Variants in GYPE observed in about 807,000 individuals in gnomAD.
GYPE encodes glycophorin E (MNS blood group), also known as glycophorin-E.
GYPE carries 8 observed loss-of-function variants against 11.6 expected under a neutral mutation model. That is an observed-to-expected ratio of 0.69 (90% CI 0.41 to 1.25). The LOEUF (loss-of-function observed/expected upper bound fraction) is 1.25. Ranked by LOEUF, GYPE falls within the 50% of genes most tolerant of loss-of-function variation. The probability of loss-of-function intolerance (pLI) is 0.01; values close to 1 mark genes in which losing one functional copy is unlikely to be tolerated. For synonymous variants in GYPE, 28 were observed against 29.6 expected, an observed-to-expected ratio of 0.94 and a Z score of 0.18; for missense variants, 90 against 92.8, an observed-to-expected ratio of 0.97 and a Z score of 0.12.
chr4:143,878,747 G>T lies in GYPE; in HGVS notation c.136+1664C>A, dbSNP rs1395425759. 1.8e-5 allele frequency: 8 copies of T among 455,794 alleles called. No homozygotes were observed. In the Middle Eastern group the frequency reaches 1.7e-3, roughly 95 times the overall value. The allele number at this position is 455,794 out of a possible 1,614,324, so 28.2% of individuals were successfully genotyped here. On this transcript the variant is annotated intron_variant, in intron 2 of 3. Transcript: ENST00000358615. Reference sequence around the variant, plus strand: ...CAAAGAAAAAAATCATTTTGGAATCGAACTGTTCTGTGGGTTTCCTTTTCT... The same window carrying T: ...CAAAGAAAAAAATCATTTTGGAATCTAACTGTTCTGTGGGTTTCCTTTTCT...
intron 3 of GYPE, among the ~76,000 whole-genome samples, chr4:143,876,481 G>T (rs1423882313): frequency 6.6e-6 from 1 of 152,126 alleles, no homozygotes. Context: ...ATCAAAATAT[G>T]TGAAAGCAAG....
rs1393802330 is a variant in GYPE, at chr4:143,880,294, T to C, written c.136+117A>G. The C allele has an allele frequency of 3.8e-5, 58 of 1,524,128 alleles. 1 individual carries two copies. The Middle Eastern group carries it at 1.7e-3, about 45-fold the overall frequency. 94.4% of individuals were successfully genotyped at this position (1,524,128 alleles called of 1,614,324 possible). ...TGTCTACTTAGTAGGCTGTGTCTAC[T>C]TAGCTCGCATTTCTCAGTGTTTGTC... On this transcript the variant is annotated intron_variant, in intron 2 of 3. Transcript: ENST00000358615.
At chr4:143,890,218 C>G (rs1478071040) in intron 1 of GYPE, among the ~76,000 whole-genome samples, 1 of 152,156 alleles carries the variant, frequency 6.6e-6, no homozygotes, top group Admixed American at 6.5e-5. Context: ...ACAGATGGTT[C>G]TGGTTATTAA....
At chr4:143,903,428 A>G (rs1744938569) in intron 1 of GYPE, among the ~76,000 whole-genome samples, 1 of 140,640 alleles carries the variant, frequency 7.1e-6, no homozygotes, top group Non-Finnish European at 1.5e-5. Flanking sequence ...ATGGTTCTCC[A>G]TTTGGAAGAA....
At chr4:143,885,401 C>A (rs527531749) in intron 1 of GYPE, among the ~76,000 whole-genome samples, 1 of 152,226 alleles carries the variant, frequency 6.6e-6, no homozygotes, top group East Asian at 1.9e-4. Flanking sequence ...AACACTCTAG[C>A]AAATAGGTAG....
At chr4:143,877,012 G>A (rs1743841969) in intron 2 of GYPE, among the ~76,000 whole-genome samples, 157 bp from the exon 3 acceptor site, 2 of 152,132 alleles carry the variant, frequency 1.3e-5, no homozygotes, top group Non-Finnish European at 2.9e-5. Context: ...TTTTAAAACT[G>A]TGTGCTTTAC....
intron 3 of GYPE, among the ~76,000 whole-genome samples, 162 bp from the exon 4 acceptor site, chr4:143,872,414 AT>A (rs1286722599): frequency 6.6e-6 from 1 of 152,176 alleles, no homozygotes; most frequent in African/African-American, 2.4e-5. Context: ...GTATAAGCAA[AT>A]TTAAAAAATT....
rs115526692 is a variant in GYPE at position 143,876,981 on chromosome 4, C to G, written c.137-126G>C. The G allele has an allele frequency of 1.7e-3, 1,123 of 679,418 alleles. 8 individuals are homozygous for G. The African/African-American group carries it at 0.018, about 11-fold the overall frequency. The allele number at this position is 679,418 out of a possible 1,614,324, so 42.1% of individuals were successfully genotyped here. ...TTTAATAGAAAGTACAATTAATATA[C>G]TATCATGTGTATTTTGTCTTTTTTA... On this transcript the variant is annotated intron_variant, in intron 2 of 3. Coordinates refer to ENST00000358615, the MANE Select transcript of GYPE (RefSeq NM_198682.3).
intron 1 of GYPE, among the ~76,000 whole-genome samples, chr4:143,881,264 T>A (rs973792046): frequency 1.3e-5 from 2 of 151,990 alleles, no homozygotes; most frequent in Non-Finnish European, 2.9e-5. Flanking sequence ...AAAATCTCAT[T>A]AAATAAATTG....
Position 143,903,805 on chromosome 4 carries a change from TAA to T in GYPE, c.37+1664_37+1665del, listed in dbSNP as rs11343544. ...TATCTGCTTGTGTAGTTGTAGAAAT[TAA>T]AAAAAAAAATCATTTCTTTGCCAGG... is the stretch of plus-strand genomic sequence containing the variant. On this transcript the variant is annotated intron_variant, in intron 1 of 3. Transcript: ENST00000358615. Among the ~76,000 whole-genome samples the T allele has an allele frequency of 3.6e-3, 546 of 150,704 alleles. 2 individuals are homozygous for T. The highest frequency in any genetic ancestry group is 5.0e-3 in the Non-Finnish European group (336 of 67,724).
In GYPE at chr4:143,905,491, A is replaced by T. The variant is rs373430208; in HGVS notation, c.17T>A (p.Ile6Asn). The T allele has an allele frequency of 6.8e-6, 11 of 1,613,172 alleles. No homozygotes were observed. The African/African-American group carries it at 1.5e-4, about 22-fold the overall frequency. ...CTTACCTGACAATAGTAATACAAAG[A>T]TTATTTTTCCATACATCCTGAGATC... MYGKI[I>N]FVLLLSGIVS... Residue 6 changes from isoleucine to asparagine, a missense_variant, in exon 1 of 4, where the codon ATC becomes AAC. Ile to Asn is a moderately radical substitution (Grantham distance 149). Transcript: ENST00000358615.
intron 2 of GYPE, among the ~76,000 whole-genome samples, chr4:143,878,430 CT>C (rs1743892021): frequency 6.6e-6 from 1 of 152,228 alleles, no homozygotes; most frequent in Non-Finnish European, 1.5e-5. Context: ...GCCACTGCCC[CT>C]GGCCCCCAAA....
rs188877500 is a variant in GYPE at position 143,880,696 on chromosome 4, A to G, written c.38-187T>C. ...ATTGTATTATTGGCCTTATTTTAAA[A>G]TTAAGGGGCCAGAAGCCCCTCCAGA... is the stretch of plus-strand genomic sequence containing the variant. On this transcript the variant is annotated intron_variant, in intron 1 of 3. Transcript: ENST00000358615. Among the ~76,000 whole-genome samples the G allele has an allele frequency of 2.8e-3, 424 of 152,352 alleles. 2 individuals carry two copies. Among genetic ancestry groups the G allele is most frequent in the African/African-American group, 9.5e-3 (394 of 41,580 alleles).
intron 1 of GYPE, among the ~76,000 whole-genome samples, chr4:143,901,448 C>T (rs528614101): frequency 6.9e-5 from 10 of 144,754 alleles, no homozygotes; most frequent in Non-Finnish European, 1.5e-4. Flanking sequence ...TCTTACAATC[C>T]CAACACTCAG....
At chr4:143,892,454 T>C (rs1036812465) in intron 1 of GYPE, among the ~76,000 whole-genome samples, 4 of 151,710 alleles carry the variant, frequency 2.6e-5, no homozygotes, top group East Asian at 1.9e-4. Context: ...TTTAGTGCTA[T>C]AAATTTCCCT....
intron 2 of GYPE, among the ~76,000 whole-genome samples, chr4:143,880,024 A>C (rs1052777543): frequency 6.6e-6 from 1 of 152,164 alleles, no homozygotes; most frequent in African/African-American, 2.4e-5. Flanking sequence ...ATGGGATAGA[A>C]ACCCTGCAGG....
Position 143,879,415 on chromosome 4 carries a change from G to A in GYPE, c.136+996C>T, listed in dbSNP as rs146373345. 8.6e-3 allele frequency among the ~76,000 whole-genome samples: 1,309 copies of A among 152,196 alleles called. 19 individuals are homozygous for A. Among genetic ancestry groups the A allele is most frequent in the African/African-American group, 0.028 (1,179 of 41,520 alleles). On this transcript the variant is annotated intron_variant, in intron 2 of 3. Transcript: ENST00000358615. The stretch of plus-strand genomic sequence containing the variant: ...TATTTTTTCATTCTTTAGGCTTTAC[G>A]TACAAAGGTTAATTGGGGCTTTCCT...
At chr4:143,897,074 G>A (rs1376532499) in intron 1 of GYPE, among the ~76,000 whole-genome samples, 1 of 152,020 alleles carries the variant, frequency 6.6e-6, no homozygotes, top group Non-Finnish European at 1.5e-5. Context: ...GAGTTAATGG[G>A]TGCAGCACAC....
In GYPE at chr4:143,903,272, T is replaced by C. The variant is rs367929221; in HGVS notation, c.37+2199A>G. Among the ~76,000 whole-genome samples the C allele has an allele frequency of 5.6e-4, 84 of 149,900 alleles. 1 individual carries two copies. The highest frequency in any genetic ancestry group is 1.9e-3 in the African/African-American group (76 of 39,400). The stretch of plus-strand genomic sequence containing the variant: ...CTGCGTTCCCTCCCACCATCCACTG[T>C]GCCCAACCTCCGTGTATCCTCCATG... On this transcript the variant is annotated intron_variant, in intron 1 of 3. Coordinates refer to ENST00000358615, the MANE Select transcript of GYPE (RefSeq NM_198682.3).
Sources: allele counts gnomAD v4.1 joint callset (sites outside exome capture counted in the v4.1 genomes callset), GRCh38; gene constraint gnomAD v4.1.1; transcripts MANE v1.5; gene names NCBI Gene and HGNC (gene_info 2026-07-23, HGNC 2026-07-21).